The following TRIM71 variants were observed in gnomAD, a reference collection of about 807,000 sequenced individuals.
The protein encoded by TRIM71 is tripartite motif containing 71, also known as E3 ubiquitin-protein ligase TRIM71.
A neutral mutation model predicts 61.2 loss-of-function variants in TRIM71; 9 were observed. The ratio of observed to expected loss-of-function variants is 0.15; its 90% CI spans 0.09 to 0.26. TRIM71 has a LOEUF of 0.26. TRIM71 is among the 10% of genes least tolerant of loss of function. TRIM71 has a pLI of 1.00. For synonymous variants in TRIM71, 645 were observed against 553.2 expected (o/e 1.17, Z -2.33); for missense variants, 998 against 1,238.7 (o/e 0.81, Z 2.92).
chr3:32,821,235 G>A (rs948829422), intron 1 of TRIM71, among the ~76,000 whole-genome samples: 1 of 152,186 alleles, frequency 6.6e-6, no homozygotes, highest in Non-Finnish European at 1.5e-5. Context: ...TCTGGACTGC[G>A]ATACACTGAA....
chr3:32,875,275 A>G (rs1422523427), intron 2 of TRIM71, among the ~76,000 whole-genome samples: 1 of 152,202 alleles, frequency 6.6e-6, no homozygotes, highest in Non-Finnish European at 1.5e-5. Context: ...TTGAATTCCT[A>G]TCAACAGCTA....
chr3:32,838,976 T>C (rs1696372339), intron 1 of TRIM71, among the ~76,000 whole-genome samples: 1 of 151,854 alleles, frequency 6.6e-6, no homozygotes, highest in South Asian at 2.1e-4. Context: ...ACTTTTTGTA[T>C]TTTTAATAGA....
rs1319422577 is a variant in TRIM71, at chr3:32,891,520, G to C, written c.2316G>C (p.Leu772=). The change falls in exon 4 of 4, where the codon CTG becomes CTC. Residue 772 remains leucine, a synonymous_variant. Transcript: ENST00000383763. This position sits in a 1 kb window ranked among gnomAD's most constrained non-coding sequence, Gnocchi z 8.2. The part of the protein sequence containing the change: ...VVTDFNNHRL[L]VIHPDCQSAR... ...CTGACTTCAACAACCACCGGCTCCTGGTTATTCACCCCGACTGCCAGTCGG... is the reference window on the plus strand; with the variant it reads ...CTGACTTCAACAACCACCGGCTCCTCGTTATTCACCCCGACTGCCAGTCGG... 2 of 1,613,398 alleles carry C rather than the reference G, an allele frequency of 1.2e-6. No individual in the cohort carries two copies. The highest frequency in any genetic ancestry group is 1.7e-6 in the Non-Finnish European group (2 of 1,179,712).
chr3:32,858,650 G>A (rs896373070), intron 1 of TRIM71, among the ~76,000 whole-genome samples: 1 of 152,282 alleles, frequency 6.6e-6, no homozygotes, highest in African/African-American at 2.4e-5. Flanking sequence ...GAGTATTGTG[G>A]AAAGACTAAG....
At chr3:32,879,919 C>G (rs1177905331) in intron 2 of TRIM71, among the ~76,000 whole-genome samples, 1 of 151,878 alleles carries the variant, frequency 6.6e-6, no homozygotes, top group Non-Finnish European at 1.5e-5. Context: ...CAAGATTACA[C>G]CACTGCACTC....
intron 1 of TRIM71, among the ~76,000 whole-genome samples, chr3:32,841,789 C>T (rs1696409249): frequency 6.6e-6 from 1 of 152,158 alleles, no homozygotes; most frequent in Non-Finnish European, 1.5e-5. Flanking sequence ...ACCCCCAGGA[C>T]TTACCAGGAA....
At chr3:32,830,886 C>G (rs1696263106) in intron 1 of TRIM71, among the ~76,000 whole-genome samples, 1 of 152,164 alleles carries the variant, frequency 6.6e-6, no homozygotes, top group Non-Finnish European at 1.5e-5. Flanking sequence ...TCTAGGCTCA[C>G]TGCAACCTCT....
chr3:32,833,003 C>T (rs957017967), intron 1 of TRIM71, among the ~76,000 whole-genome samples: 5 of 151,590 alleles, frequency 3.3e-5, no homozygotes, highest in Non-Finnish European at 5.9e-5. Flanking sequence ...GGTGAAACCC[C>T]GTCTCTACTA....
chr3:32,844,925 A>G (rs1696455131), intron 1 of TRIM71, among the ~76,000 whole-genome samples: 1 of 152,242 alleles, frequency 6.6e-6, no homozygotes. Context: ...AATTCAAATT[A>G]AGACAAGGTA....
At chr3:32,884,782 G>A (rs546942147) in intron 2 of TRIM71, among the ~76,000 whole-genome samples, 5 of 152,086 alleles carry the variant, frequency 3.3e-5, no homozygotes, top group African/African-American at 9.7e-5. Context: ...GTGGCCTGAC[G>A]GGACACAATG....
Position 32,818,137 on chromosome 3 carries a change from C to T in TRIM71, c.57C>T (p.Cys19=), listed in dbSNP as rs372149437. ...FQICLLCKEM[C]GSPAPLSSNS... ...TCTGCTTGCTGTGCAAGGAGATGTG[C>T]GGCTCGCCGGCGCCGCTCTCCTCCA... The change falls in exon 1 of 4, where the codon TGC becomes TGT. Residue 19 remains cysteine (C), a synonymous_variant. Transcript: ENST00000383763. 1.9e-5 allele frequency: 31 copies of T among 1,611,036 alleles called. No individual in the cohort carries two copies. In the South Asian group the frequency reaches 2.2e-4, roughly 11 times the overall value.
rs536248483 is a variant in TRIM71 at position 32,885,983 on chromosome 3, C to T, written c.1070C>T (p.Ala357Val). ...GTGGCGGAACAGGTGGAGATGAAGG[C>T]GAAGGTTGTGCAGTCGGAGGTCAAA... is the stretch of plus-strand genomic sequence containing the variant. ...QTVAEQVEMKAKVVQSEVKAV... is the reference protein window; with the variant it reads ...QTVAEQVEMKVKVVQSEVKAV... Residue 357 changes from alanine to valine, a missense_variant, in exon 3 of 4, where the codon GCG (alanine) becomes GTG (valine). Physicochemically the swap from Ala to Val is moderately conservative, Grantham distance 64. Around this residue, in one of 5 missense-constraint regions of TRIM71, gnomAD observed 291 missense variants for 431.2 expected, o/e 0.67. Transcript: ENST00000383763. 1.3e-5 allele frequency: 21 copies of T among 1,614,070 alleles called. No individual in the cohort carries two copies. The highest frequency in any genetic ancestry group is 9.3e-5 in the African/African-American group (7 of 75,018).
chr3:32,836,919 G>A (rs1696340630), intron 1 of TRIM71, among the ~76,000 whole-genome samples: 1 of 152,150 alleles, frequency 6.6e-6, no homozygotes, highest in African/African-American at 2.4e-5. Context: ...ATTGGTCTAG[G>A]TCTTGTTACA....
rs192481878 is a variant in TRIM71 at position 32,860,215 on chromosome 3, A to G, written c.853-13603A>G. 5.5e-3 allele frequency among the ~76,000 whole-genome samples: 823 copies of G among 149,606 alleles called. 10 individuals carry two copies. The highest frequency in any genetic ancestry group is 0.018 in the African/African-American group (740 of 40,478). On this transcript the variant is annotated intron_variant, in intron 1 of 3. Coordinates refer to ENST00000383763, the MANE Select transcript of TRIM71 (RefSeq NM_001039111.3). ...CTCTTGTCAACCAGGCTGGAGTGCA[A>G]TGGTGCGATCTCTGCTCACTGCAAC...
intron 1 of TRIM71, among the ~76,000 whole-genome samples, chr3:32,854,766 G>T (rs1335397423): frequency 6.6e-6 from 1 of 152,296 alleles, no homozygotes; most frequent in East Asian, 1.9e-4. Context: ...CTTAAATAGA[G>T]CTATTGCATA....
intron 2 of TRIM71, among the ~76,000 whole-genome samples, chr3:32,882,599 G>A (rs528301403): frequency 1.2e-4 from 19 of 152,210 alleles, no homozygotes; most frequent in East Asian, 1.2e-3. Flanking sequence ...GCTGGGGGGC[G>A]CGGTGGTGCA....
In TRIM71 at chr3:32,891,693, A is replaced by T. The variant is rs768926616; in HGVS notation, c.2489A>T (p.Lys830Met). 5 of 1,614,094 alleles carry T rather than the reference A, an allele frequency of 3.1e-6. No individual in the cohort carries two copies. The South Asian group carries it at 5.5e-5, about 18-fold the overall frequency. The change falls in exon 4 of 4, where the codon AAG becomes ATG. Residue 830 changes from lysine to methionine, a missense_variant. Transcript: ENST00000383763. This position sits in a 1 kb window ranked among gnomAD's most constrained non-coding sequence, Gnocchi z 8.2. ...GAATCCAACGGCAGCTTCCTGTGCA[A>T]GTTTGGTGCTCAAGGCAGCGGCTTT... is the stretch of plus-strand genomic sequence containing the variant. The part of the protein sequence containing the change: ...MFESNGSFLC[K>M]FGAQGSGFGQ...
intron 1 of TRIM71, among the ~76,000 whole-genome samples, chr3:32,870,156 T>C (rs1282737446): frequency 1.3e-5 from 2 of 152,218 alleles, no homozygotes; most frequent in Non-Finnish European, 2.9e-5. Flanking sequence ...AGTTTCAAAT[T>C]GTGGTTAGAT....
chr3:32,885,351 C>T (rs535404921), intron 2 of TRIM71, among the ~76,000 whole-genome samples: 290 of 152,264 alleles, frequency 1.9e-3, no homozygotes, highest in Non-Finnish European at 3.2e-3. Context: ...TGTGTGATGA[C>T]GTGTAGATGG....
Sources: gnomAD v4.1 joint callset for allele counts (sites outside exome capture counted in the v4.1 genomes callset) on GRCh38, gnomAD v4.1.1 for gene constraint, gnomAD v4.1.1 regional missense constraint, Gnocchi (gnomAD v3.1) non-coding constraint, MANE v1.5 for transcripts, NCBI Gene and HGNC (gene_info 2026-07-23, HGNC 2026-07-21) for gene names.